Variants in DLG2 observed in about 807,000 individuals in gnomAD.
DLG2 encodes the protein disks large homolog 2.
DLG2 carries 45 observed loss-of-function variants against 132.5 expected under a neutral mutation model. The observed-to-expected ratio is 0.34, with a 90% confidence interval of 0.27 to 0.44. The LOEUF is 0.44. Among genes scored for constraint, DLG2 ranks in the 20% least tolerant of loss-of-function variants. The pLI is 1.00. For synonymous variants in DLG2, 424 were observed against 419.6 expected (o/e 1.01, Z -0.13); for missense variants, 1,045 against 1,196.9 (o/e 0.87, Z 1.87).
At chr11:83,790,418 C>T (rs1033249414) in intron 17 of DLG2, 12 of 1,044,758 alleles carry the variant, frequency 1.1e-5, no homozygotes, top group Non-Finnish European at 1.8e-5. Context: ...TGTGATTGGT[C>T]CCCAGTACCA....
intron 16 of DLG2, among the ~76,000 whole-genome samples, chr11:83,847,541 G>A (rs1177182950): frequency 2.6e-5 from 4 of 152,100 alleles, no homozygotes; most frequent in Non-Finnish European, 4.4e-5. Context: ...CCATATTATT[G>A]TAGAAAAAAC....
chr11:84,291,057 A>C (rs2097988176), intron 7 of DLG2, among the ~76,000 whole-genome samples: 2 of 152,166 alleles, frequency 1.3e-5, no homozygotes, highest in Non-Finnish European at 2.9e-5. Flanking sequence ...GTTAGCTACT[A>C]TTGTTTAAAA....
chr11:84,450,918 A>G (rs10898236), intron 7 of DLG2, among the ~76,000 whole-genome samples: 50,527 of 151,650 alleles, frequency 0.33, 8,992 homozygotes, highest in African/African-American at 0.45. Flanking sequence ...TGCTTGAAAG[A>G]AGAAATAACA....
chr11:83,906,104 TAC>T (rs1194941494), intron 15 of DLG2, among the ~76,000 whole-genome samples: 7 of 81,282 alleles, frequency 8.6e-5, no homozygotes, highest in African/African-American at 3.1e-4. Flanking sequence ...TATATATATA[TAC>T]ATATATAGTT....
intron 18 of DLG2, among the ~76,000 whole-genome samples, chr11:83,735,073 CCT>C (rs2091716978): frequency 6.6e-6 from 1 of 151,808 alleles, no homozygotes; most frequent in South Asian, 2.1e-4. Context: ...GTATGTGTGT[CCT>C]CTGTTTTAAA....
At chr11:83,927,248 A>C (rs2079145978) in intron 15 of DLG2, among the ~76,000 whole-genome samples, 1 of 152,180 alleles carries the variant, frequency 6.6e-6, no homozygotes, top group Non-Finnish European at 1.5e-5. Context: ...AGCAGTGCCC[A>C]AAAATACACA....
At chr11:83,799,143 T>C (rs1470398324) in intron 17 of DLG2, among the ~76,000 whole-genome samples, 1 of 152,238 alleles carries the variant, frequency 6.6e-6, no homozygotes, top group African/African-American at 2.4e-5. Flanking sequence ...TCTTACCACA[T>C]ACTTATGTGG....
chr11:85,199,886 G>T (rs987967098), intron 4 of DLG2, among the ~76,000 whole-genome samples: 4 of 151,606 alleles, frequency 2.6e-5, no homozygotes, highest in African/African-American at 9.7e-5. Context: ...TAGAACTTTG[G>T]GTTCTACCCC....
chr11:85,506,206 T>C (rs2093929375), intron 3 of DLG2, among the ~76,000 whole-genome samples: 1 of 152,210 alleles, frequency 6.6e-6, no homozygotes, highest in Non-Finnish European at 1.5e-5. Flanking sequence ...TTTTTGTATC[T>C]CTGTCTCCTT....
At chr11:84,769,107 G>A (rs2062472806) in intron 6 of DLG2, among the ~76,000 whole-genome samples, 1 of 151,942 alleles carries the variant, frequency 6.6e-6, no homozygotes, top group African/African-American at 2.4e-5. Context: ...ACCACCAAAC[G>A]CTCCTATTAG....
chr11:85,594,980 C>G (rs1368492651), intron 3 of DLG2, among the ~76,000 whole-genome samples: 1 of 149,322 alleles, frequency 6.7e-6, no homozygotes, highest in East Asian at 2.0e-4. Flanking sequence ...GCAGGAGAAT[C>G]GCTTGAACCA....
intron 19 of DLG2, among the ~76,000 whole-genome samples, chr11:83,571,633 A>G (rs1005982294): frequency 1.6e-4 from 24 of 151,610 alleles, no homozygotes; most frequent in African/African-American, 5.6e-4. Flanking sequence ...AGCAGAAGAG[A>G]GGCATGTGCA....
chr11:84,509,904 T>C (rs1266902324), intron 7 of DLG2, among the ~76,000 whole-genome samples: 1 of 151,880 alleles, frequency 6.6e-6, no homozygotes, highest in Non-Finnish European at 1.5e-5. Context: ...AGAGATATTA[T>C]TAAAAACTTC....
intron 3 of DLG2, among the ~76,000 whole-genome samples, chr11:85,473,294 C>T (rs1396076362): frequency 6.6e-6 from 1 of 152,146 alleles, no homozygotes. Flanking sequence ...CCACAAGGTC[C>T]CCAGCTGGCA....
intron 3 of DLG2, among the ~76,000 whole-genome samples, chr11:85,544,545 T>C (rs965811872): frequency 1.3e-5 from 2 of 152,216 alleles, no homozygotes; most frequent in Non-Finnish European, 2.9e-5. Context: ...AATGGTAGCT[T>C]GATAGGGAGA....
intron 9 of DLG2, among the ~76,000 whole-genome samples, chr11:84,122,942 T>C (rs1263791484): frequency 6.6e-6 from 1 of 152,068 alleles, no homozygotes; most frequent in Non-Finnish European, 1.5e-5. Context: ...TCTATGCTCT[T>C]TTATAAAAGG....
chr11:83,651,639 G>C, intron 18 of DLG2: 1 of 273,560 alleles, frequency 3.7e-6, no homozygotes, highest in Non-Finnish European at 7.5e-6. Flanking sequence ...GAAAGAAGAG[G>C]AGTTGGAGGA....
intron 6 of DLG2, among the ~76,000 whole-genome samples, chr11:84,629,853 AAAG>A (rs1490221287): frequency 6.6e-6 from 1 of 152,180 alleles, no homozygotes; most frequent in Non-Finnish European, 1.5e-5. Flanking sequence ...AAGAGGGAGG[AAAG>A]AAGAACAAGA....
intron 6 of DLG2, among the ~76,000 whole-genome samples, chr11:85,099,643 T>C (rs1172510175): frequency 1.3e-5 from 2 of 152,158 alleles, no homozygotes; most frequent in African/African-American, 2.4e-5. Flanking sequence ...ACATAAGCAG[T>C]ATGAAGTTTT....
Sources: gnomAD v4.1 joint callset for allele counts (sites outside exome capture counted in the v4.1 genomes callset) on GRCh38, gnomAD v4.1.1 for gene constraint, MANE v1.5 for transcripts, NCBI Gene and HGNC (gene_info 2026-07-23, HGNC 2026-07-21) for gene names.